The following TMEM116 variants were observed in gnomAD, a reference collection of about 807,000 sequenced individuals.
TMEM116 encodes transmembrane protein 116.
In TMEM116, 38 loss-of-function variants were observed where a neutral mutation model predicts 44.3. The observed-to-expected ratio is 0.86, with a 90% CI of 0.66 to 1.12. The LOEUF (loss-of-function observed/expected upper bound fraction) is 1.12, where lower values mean the gene tolerates loss of function less well. Ranked by LOEUF, TMEM116 falls within the 50% of genes most tolerant of loss-of-function variation. The pLI is 0.00. For missense variants in TMEM116, 354 were observed against 401.7 expected, an observed-to-expected ratio of 0.88 and a Z score of 1.01; for synonymous variants, 132 against 144.8, an observed-to-expected ratio of 0.91 and a Z score of 0.64.
intron 4 of TMEM116, among the ~76,000 whole-genome samples, chr12:111,975,189 G>C (rs1202166384): frequency 6.6e-6 from 1 of 152,248 alleles, no homozygotes; most frequent in African/African-American, 2.4e-5. Flanking sequence ...CTCCTACCCA[G>C]GCTGGAGTGC....
At position 111,940,565 on chromosome 12, in the gene TMEM116, G is replaced by GTATA. The variant is rs1182152145; in HGVS notation, c.316-2356_316-2355insTATA. ...TATATACACACACACATATATATGT[G>GTATA]TGTATATATATATATATATCTTCGG... On this transcript the variant is annotated intron_variant, in intron 5 of 10. Transcript: ENST00000552374. 4.6e-3 allele frequency among the ~76,000 whole-genome samples: 583 copies of GTATA among 127,912 alleles called. 17 individuals are homozygous for GTATA. The East Asian group carries it at 0.1, about 22-fold the overall frequency. The allele number at this position is 127,912 out of a possible 152,430, so 83.9% of individuals were successfully genotyped here.
At chr12:111,970,037 C>T (rs374257171) in intron 4 of TMEM116, among the ~76,000 whole-genome samples, 15 of 152,006 alleles carry the variant, frequency 9.9e-5, no homozygotes, top group African/African-American at 3.4e-4. Context: ...GAGGCCAGGG[C>T]AGGCAGATCA....
At chr12:111,983,355 G>A (rs1416813352) in intron 4 of TMEM116, among the ~76,000 whole-genome samples, 1 of 152,024 alleles carries the variant, frequency 6.6e-6, no homozygotes, top group Non-Finnish European at 1.5e-5. Flanking sequence ...AGAATCGCTT[G>A]AGCCTGGGAG....
chr12:112,010,186 A>T (rs368508974), intron 1 of TMEM116, among the ~76,000 whole-genome samples: 2 of 152,306 alleles, frequency 1.3e-5, no homozygotes, highest in South Asian at 2.1e-4. Flanking sequence ...TTCTCTATCT[A>T]AAATGTTCCT....
At chr12:111,944,728 A>G (rs2073111145) in intron 4 of TMEM116, among the ~76,000 whole-genome samples, 1 of 152,218 alleles carries the variant, frequency 6.6e-6, no homozygotes, top group African/African-American at 2.4e-5. Context: ...CATGAAAACC[A>G]GAGAAAGAAT....
intron 4 of TMEM116, among the ~76,000 whole-genome samples, chr12:111,973,644 A>C (rs2075491538): frequency 6.6e-6 from 1 of 152,220 alleles, no homozygotes; most frequent in African/African-American, 2.4e-5. Context: ...AATACAGGAA[A>C]TAATGAAGAT....
intron 4 of TMEM116, among the ~76,000 whole-genome samples, chr12:111,954,466 T>C (rs556764707): frequency 2.0e-5 from 3 of 152,280 alleles, no homozygotes; most frequent in Non-Finnish European, 4.4e-5. Flanking sequence ...ACAATAATAG[T>C]TTATACTAAT....
intron 5 of TMEM116, among the ~76,000 whole-genome samples, chr12:111,940,707 T>A (rs1037010089): frequency 6.6e-6 from 1 of 152,000 alleles, no homozygotes; most frequent in African/African-American, 2.4e-5. Context: ...TAATCTTATG[T>A]CCTTCCCATT....
chr12:111,977,993 A>G (rs1362459733), intron 4 of TMEM116, among the ~76,000 whole-genome samples: 2 of 152,046 alleles, frequency 1.3e-5, no homozygotes, highest in Non-Finnish European at 2.9e-5. Flanking sequence ...AGGAAGATAA[A>G]GAACAGATAC....
At chr12:111,979,271 T>TTA (rs564082557) in intron 4 of TMEM116, among the ~76,000 whole-genome samples, 223 of 150,958 alleles carry the variant, frequency 1.5e-3, no homozygotes, top group South Asian at 7.7e-3. Flanking sequence ...TGTATACATA[T>TTA]TATATATATA....
At chr12:111,943,143 C>T (rs2073000729) in intron 5 of TMEM116, 122 bp downstream of exon 5, 7 of 773,330 alleles carry the variant, frequency 9.1e-6, no homozygotes, top group East Asian at 2.5e-5. Context: ...AGACTGGCCT[C>T]GAATTCCTGG....
chr12:111,940,538 TATATATAC>T (rs138887352), intron 5 of TMEM116, among the ~76,000 whole-genome samples: 8,823 of 119,576 alleles, frequency 0.074, 1,063 homozygotes, highest in African/African-American at 0.27. Flanking sequence ...TATATATATA[TATATATAC>T]ACACACACAT....
intron 3 of TMEM116, among the ~76,000 whole-genome samples, chr12:111,995,929 A>C (rs1294560682): frequency 6.6e-6 from 1 of 151,462 alleles, no homozygotes; most frequent in Non-Finnish European, 1.5e-5. Context: ...GGTCTCAGCT[A>C]CTTGGGAGTC....
intron 4 of TMEM116, among the ~76,000 whole-genome samples, chr12:111,989,627 T>C (rs542755565): frequency 5.8e-4 from 88 of 152,290 alleles, no homozygotes; most frequent in Non-Finnish European, 2.9e-5. Flanking sequence ...ATTCATGACA[T>C]TTAAGTTGCA....
At chr12:111,952,854 A>C (rs1277492922) in intron 4 of TMEM116, among the ~76,000 whole-genome samples, 1 of 152,140 alleles carries the variant, frequency 6.6e-6, no homozygotes, top group Non-Finnish European at 1.5e-5. Flanking sequence ...ACTCCTTAAT[A>C]AACTCCCCTT....
At chr12:112,007,915 T>G (rs2077664200) in intron 1 of TMEM116, among the ~76,000 whole-genome samples, 1 of 152,262 alleles carries the variant, frequency 6.6e-6, no homozygotes, top group Non-Finnish European at 1.5e-5. Flanking sequence ...TATTCAGCAC[T>G]TTGTCCCTTT....
chr12:112,006,189 C>T (rs985892517), intron 1 of TMEM116: 2 of 153,020 alleles, frequency 1.3e-5, no homozygotes, highest in East Asian at 3.8e-4. Context: ...AGAACAAAAA[C>T]AGAAAGACCA....
chr12:112,003,836 G>T lies in TMEM116; in HGVS notation c.42C>A (p.Ala14=). ...TCTGTATATTATGGAATACAGCATA[G>T]GCAATAAGTGAACTTGAACCTATAA... The part of the protein sequence containing the change: ...LSVIGSSSLI[A]YAVFHNIQKS... Residue 14 remains alanine (A), a synonymous_variant, in exon 3 of 11, where the codon GCC becomes GCA. Coordinates refer to ENST00000552374, the MANE Select transcript of TMEM116 (RefSeq NM_001193531.2). The T allele has an allele frequency of 6.6e-7, 1 of 1,514,976 alleles. No homozygotes were observed. Among genetic ancestry groups the T allele is most frequent in the East Asian group, 2.5e-5 (1 of 39,694 alleles). 93.8% of individuals were successfully genotyped at this position (1,514,976 alleles called of 1,614,324 possible).
chr12:111,968,573 A>G (rs2075117781), intron 4 of TMEM116, among the ~76,000 whole-genome samples: 1 of 152,248 alleles, frequency 6.6e-6, no homozygotes, highest in African/African-American at 2.4e-5. Flanking sequence ...GGAGAATACT[A>G]AATCAACTGA....
Sources: gnomAD v4.1 joint callset for allele counts (sites outside exome capture counted in the v4.1 genomes callset) on GRCh38, gnomAD v4.1.1 for gene constraint, MANE v1.5 for transcripts, NCBI Gene and HGNC (gene_info 2026-07-23, HGNC 2026-07-21) for gene names.